MGA: variants seen among roughly 807,000 people sequenced by gnomAD.
The protein encoded by MGA is MAX gene-associated protein.
A neutral mutation model predicts 261.1 loss-of-function variants in MGA; 40 were observed. That is an observed-to-expected ratio of 0.15 (90% CI 0.12 to 0.20). The LOEUF is 0.20. Ranked by LOEUF, MGA falls within the 10% of genes least tolerant of loss-of-function variation. The pLI, the probability that MGA is intolerant of heterozygous loss-of-function variation, is 1.00. For missense variants in MGA, 3,397 were observed against 3,630.5 expected (o/e 0.94, Z 1.65); for synonymous variants, 1,302 against 1,290.6 (o/e 1.01, Z -0.19).
chr15:41,711,633 C>A (rs1567017318), intron 8 of MGA, among the ~76,000 whole-genome samples: 1 of 152,184 alleles, frequency 6.6e-6, no homozygotes, highest in African/African-American at 2.4e-5. Flanking sequence ...TCTCTGATTT[C>A]ATTTTCCAAC....
chr15:41,632,560 G>T (rs867853525), intron 1 of MGA, among the ~76,000 whole-genome samples: 1 of 152,242 alleles, frequency 6.6e-6, no homozygotes, highest in Admixed American at 6.5e-5. Context: ...TTACCGAAAT[G>T]GTTAAGTTTG....
At chr15:41,705,384 A>T (rs1425822792) in intron 5 of MGA, among the ~76,000 whole-genome samples, 2 of 150,592 alleles carry the variant, frequency 1.3e-5, no homozygotes, top group Non-Finnish European at 3.0e-5. Context: ...TCAAGACAGG[A>T]TTTTGCTTTT....
At chr15:41,707,348 T>G (rs954085351) in intron 5 of MGA, among the ~76,000 whole-genome samples, 3 of 152,190 alleles carry the variant, frequency 2.0e-5, no homozygotes, top group African/African-American at 7.2e-5. Flanking sequence ...TGCTTCCAGT[T>G]TCCCTCAGCT....
chr15:41,622,941 AT>A (rs1270017541), intron 1 of MGA, among the ~76,000 whole-genome samples: 3 of 152,244 alleles, frequency 2.0e-5, no homozygotes, highest in South Asian at 2.1e-4. Flanking sequence ...TCTGGAAAAC[AT>A]TTATTGAGCA....
rs565719521 is a variant in MGA at position 41,680,582 on chromosome 15, C to G, written c.1064+10624C>G. On this transcript the variant is annotated intron_variant, in intron 2 of 23. Coordinates refer to ENST00000219905, the MANE Select transcript of MGA (RefSeq NM_001164273.2). ...AATCTCTCTCAGGTTCACTAATTCA[C>G]TAGACTCATAGAACTCAGGAAAACA... Among the ~76,000 whole-genome samples, 11 of 152,264 alleles carry G rather than the reference C, an allele frequency of 7.2e-5. No individual in the cohort carries two copies. In the South Asian group the frequency reaches 2.1e-3, roughly 29 times the overall value.
chr15:41,738,674 A>G (rs912569166), intron 13 of MGA, among the ~76,000 whole-genome samples: 4 of 152,234 alleles, frequency 2.6e-5, no homozygotes, highest in African/African-American at 9.6e-5. Flanking sequence ...ATGTGTCTGC[A>G]TAAGCAGTCA....
chr15:41,625,089 G>C (rs2056414667), intron 1 of MGA, among the ~76,000 whole-genome samples: 1 of 152,106 alleles, frequency 6.6e-6, no homozygotes, highest in Non-Finnish European at 1.5e-5. Flanking sequence ...GCTGCAATGA[G>C]CTGTGACGTG....
chr15:41,713,087 C>CATA, intron 8 of MGA, 64 bp from the exon 9 acceptor site: 13 of 1,568,662 alleles, frequency 8.3e-6, no homozygotes, highest in Non-Finnish European at 1.1e-5. Context: ...AGTATATGAC[C>CATA]ATAAGTTGGT....
At chr15:41,626,039 C>T (rs2056442215) in intron 1 of MGA, among the ~76,000 whole-genome samples, 1 of 151,988 alleles carries the variant, frequency 6.6e-6, no homozygotes, top group Non-Finnish European at 1.5e-5. Flanking sequence ...CTCACTGTGC[C>T]TAATTTATAA....
intron 2 of MGA, among the ~76,000 whole-genome samples, chr15:41,681,621 T>C (rs747656066): frequency 1.3e-5 from 2 of 152,074 alleles, no homozygotes; most frequent in Non-Finnish European, 2.9e-5. Flanking sequence ...TGGTTAATTT[T>C]TTTATTTTTG....
In MGA at chr15:41,749,467, C is replaced by T. The variant is rs1459574208; in HGVS notation, c.5860C>T (p.Pro1954Ser). ...CTTGTTACAGCTCCCAGGACAAAAGCCTGTTCCTAGCTCCATTCTTCAGCA... is the reference window on the plus strand; with the variant it reads ...CTTGTTACAGCTCCCAGGACAAAAGTCTGTTCCTAGCTCCATTCTTCAGCA... The change falls in exon 17 of 24, where the codon CCT becomes TCT. Residue 1954 changes from proline (P) to serine (S), a missense_variant. Physicochemically the swap from Pro to Ser is moderately conservative, Grantham distance 74. This residue lies in a region of MGA where 1,410 missense variants were observed against 1,386.4 expected (regional missense o/e 1.02). Transcript: ENST00000219905. 8 of 1,613,806 alleles carry T rather than the reference C, an allele frequency of 5.0e-6. No individual in the cohort carries two copies. The Admixed American group carries it at 8.3e-5, about 17-fold the overall frequency.
At chr15:41,683,429 A>C (rs2058779679) in intron 2 of MGA, among the ~76,000 whole-genome samples, 1 of 151,982 alleles carries the variant, frequency 6.6e-6, no homozygotes, top group South Asian at 2.1e-4. Context: ...ACAAGGTCTC[A>C]CTGTGTTTCC....
chr15:41,621,641 G>C (rs1479258932), intron 1 of MGA: 1 of 152,106 alleles, frequency 6.6e-6, no homozygotes, highest in Non-Finnish European at 1.5e-5. Flanking sequence ...CCACGCGCCT[G>C]GTGGCGTGTT....
chr15:41,711,380 T>C, intron 8 of MGA, 31 bp downstream of exon 8: 1 of 1,546,636 alleles, frequency 6.5e-7, no homozygotes, highest in Non-Finnish European at 8.7e-7. Flanking sequence ...GGAGGTATAT[T>C]AGTGCTTGGC....
rs543724169 is a variant in MGA at position 41,696,616 on chromosome 15, G to C, written c.1606G>C (p.Asp536His). Residue 536 changes from aspartate (D) to histidine (H), a missense_variant, in exon 3 of 24, where the codon GAT becomes CAT. This residue lies in a region of MGA where 563 missense variants were observed against 563.6 expected (regional missense o/e 1.00). Coordinates refer to ENST00000219905, the MANE Select transcript of MGA (RefSeq NM_001164273.2). ...AAATGGTCTTAGAAAACATTCACCA[G>C]ATCTCAGAGTGGTACAAAAATATCC... 24 of 1,613,786 alleles carry C rather than the reference G, an allele frequency of 1.5e-5. No homozygotes were observed. The highest frequency in any genetic ancestry group is 2.0e-5 in the Non-Finnish European group (24 of 1,179,808).
chr15:41,689,001 C>A (rs752652376), intron 2 of MGA, among the ~76,000 whole-genome samples: 1 of 152,118 alleles, frequency 6.6e-6, no homozygotes, highest in Non-Finnish European at 1.5e-5. Context: ...AGAGTCCTAC[C>A]CTTAAAACCT....
chr15:41,715,328 T>C (rs1379278589), intron 9 of MGA, among the ~76,000 whole-genome samples: 1 of 151,754 alleles, frequency 6.6e-6, no homozygotes, highest in Non-Finnish European at 1.5e-5. Context: ...TTTTCTATTT[T>C]TAGTAGAGAC....
intron 9 of MGA, among the ~76,000 whole-genome samples, chr15:41,721,864 G>A (rs2060957592): frequency 6.6e-6 from 1 of 152,072 alleles, no homozygotes; most frequent in Non-Finnish European, 1.5e-5. Context: ...GTAACAAGCA[G>A]AACTGTATTA....
intron 2 of MGA, among the ~76,000 whole-genome samples, chr15:41,681,287 G>A (rs2058659017): frequency 1.3e-5 from 2 of 151,856 alleles, no homozygotes; most frequent in African/African-American, 2.4e-5. Context: ...TAGGTCATAT[G>A]CATAATGCCA....
Sources: allele counts gnomAD v4.1 joint callset (sites outside exome capture counted in the v4.1 genomes callset), GRCh38; gene constraint gnomAD v4.1.1; regional missense constraint gnomAD v4.1.1; transcripts MANE v1.5; gene names NCBI Gene and HGNC (gene_info 2026-07-23, HGNC 2026-07-21).